The following EPHA10 variants were observed in gnomAD, a reference collection of about 807,000 sequenced individuals.
The protein encoded by EPHA10 is EPH receptor A10, also known as ephrin type-A receptor 10.
In EPHA10, 120 loss-of-function variants were observed where a neutral mutation model predicts 109.7. The observed-to-expected ratio is 1.09, with a 90% CI of 0.94 to 1.27. The LOEUF is 1.27. EPHA10 is among the 50% of genes most tolerant of loss of function. EPHA10 has a pLI of 0.00. For missense variants in EPHA10, 1,396 were observed against 1,411.1 expected, an observed-to-expected ratio of 0.99 and a Z score of 0.17; for synonymous variants, 640 against 618.9, an observed-to-expected ratio of 1.03 and a Z score of -0.51.
rs568800596 is a variant in EPHA10 at position 37,761,516 on chromosome 1, C to T, written c.739G>A (p.Glu247Lys). ...AGTCVAHSEG[E>K]PGSPPRMHCG... ...TGCATGCGTGGGGGGCTGCCAGGCT[C>T]CCCTTCCGAGTGCGCCACGCACGTT... Residue 247 changes from glutamate to lysine, a missense_variant, in exon 3 of 17, where the codon GAG becomes AAG. Transcript: ENST00000373048. The T allele has an allele frequency of 1.3e-6, 2 of 1,599,592 alleles. No individual in the cohort carries two copies. The highest frequency in any genetic ancestry group is 1.7e-6 in the Non-Finnish European group (2 of 1,178,236).
chr1:37,729,563 TA>T (rs1433524796), intron 7 of EPHA10, among the ~76,000 whole-genome samples: 1 of 151,158 alleles, frequency 6.6e-6, no homozygotes, highest in African/African-American at 2.4e-5. Context: ...TCGCTCTTTT[TA>T]AAAAAAGAAA....
rs35864756 is a variant in EPHA10, at chr1:37,747,552, C to CAAA, written c.1357+5321_1357+5323dup. Among the ~76,000 whole-genome samples, 375 of 108,530 alleles carry CAAA rather than the reference C, an allele frequency of 3.5e-3. 2 individuals carry two copies. The highest frequency in any genetic ancestry group is 8.9e-3 in the African/African-American group (260 of 29,294). 71.2% of individuals were successfully genotyped at this position (108,530 alleles called of 152,430 possible). A position where few individuals can be genotyped will look rare whatever the true frequency, so the allele number is the denominator to read the frequency against. On this transcript the variant is annotated intron_variant, in intron 5 of 16. Coordinates refer to ENST00000373048, the MANE Select transcript of EPHA10 (RefSeq NM_001099439.2). ...TGTGACAGGCAGAGTGAAACTGTCT[C>CAAA]AAAAAAAAAAAAAAAAAACTTCAGG...
intron 7 of EPHA10, among the ~76,000 whole-genome samples, chr1:37,730,547 G>C (rs1645964327): frequency 6.6e-6 from 1 of 152,208 alleles, no homozygotes; most frequent in Non-Finnish European, 1.5e-5. Context: ...GGAAGTAAAG[G>C]AGGAGGGAGG....
At chr1:37,745,229 T>A (rs185124766) in intron 5 of EPHA10, among the ~76,000 whole-genome samples, 1 of 152,292 alleles carries the variant, frequency 6.6e-6, no homozygotes, top group Non-Finnish European at 1.5e-5. Context: ...AATACATATC[T>A]ATAGTTATAA....
At chr1:37,761,210 T>C in intron 3 of EPHA10, 195 bp downstream of exon 3, 2 of 1,480,340 alleles carry the variant, frequency 1.4e-6, no homozygotes, top group South Asian at 2.8e-5. Flanking sequence ...TTTCATCTAG[T>C]AAGTTCACTC....
rs1300660647 is a variant in EPHA10, at chr1:37,723,227, G to A, written c.1835-61C>T. On this transcript the variant is annotated intron_variant, in intron 9 of 16. Transcript: ENST00000373048. Reference sequence around the variant, plus strand: ...CTCCACCACTGGGGCTGACAAGCGGGCTCATGCAGTGTAGCAAGGCAGAGG... The same window carrying A: ...CTCCACCACTGGGGCTGACAAGCGGACTCATGCAGTGTAGCAAGGCAGAGG... 4.0e-5 allele frequency: 64 copies of A among 1,605,842 alleles called. No homozygotes were observed. The South Asian group carries it at 6.6e-4, about 16-fold the overall frequency.
chr1:37,725,755 G>A (rs1334669466), intron 8 of EPHA10, among the ~76,000 whole-genome samples: 1 of 152,170 alleles, frequency 6.6e-6, no homozygotes, highest in African/African-American at 2.4e-5. Flanking sequence ...AGGAGCGAAA[G>A]AGGGTGCGTG....
chr1:37,719,763 G>C (rs1645757453), intron 14 of EPHA10, 146 bp downstream of exon 14: 4 of 1,447,432 alleles, frequency 2.8e-6, no homozygotes, highest in Non-Finnish European at 3.8e-6. Flanking sequence ...GAAGCCTGGG[G>C]CAGTGGCCAG....
At chr1:37,714,342 C>A (rs1186560451), downstream of EPHA10, among the ~76,000 whole-genome samples, 4 of 152,180 alleles carry the variant, frequency 2.6e-5, no homozygotes, top group Non-Finnish European at 4.4e-5. Flanking sequence ...TGTGTGTGCA[C>A]GTGTGTCCAT....
chr1:37,719,420 C>T lies in EPHA10; in HGVS notation c.2750G>A (p.Cys917Tyr), dbSNP rs1192832440. 6.2e-7 allele frequency: 1 copy of T among 1,612,300 alleles called. No homozygotes were observed. The highest frequency in any genetic ancestry group is 8.5e-7 in the Non-Finnish European group (1 of 1,179,780). The change falls in exon 15 of 17, where the codon TGT becomes TAT. Residue 917 changes from cysteine (C) to tyrosine (Y), a missense_variant. Cys to Tyr is a radical substitution (Grantham distance 194). Coordinates refer to ENST00000373048, the MANE Select transcript of EPHA10 (RefSeq NM_001099439.2). The part of the protein sequence containing the change: ...PEPPKCALTT[C>Y]PRPPTPLADR... ...GTCCCATGTGGGAACGTACCTGGGA[C>T]AGGTAGTCAGGGCACACTTGGGGGG...
intron 5 of EPHA10, among the ~76,000 whole-genome samples, chr1:37,739,002 G>A (rs979071531): frequency 9.9e-5 from 15 of 152,180 alleles, no homozygotes; most frequent in Admixed American, 2.0e-4. Context: ...GGCCTGTCGC[G>A]GGGTGGAGGG....
chr1:37,763,364 G>C (rs1031257766), intron 1 of EPHA10, among the ~76,000 whole-genome samples: 9 of 152,090 alleles, frequency 5.9e-5, no homozygotes, highest in African/African-American at 2.2e-4. Context: ...TCTGACTCTG[G>C]CTCCTCCTGC....
In EPHA10 at chr1:37,764,458, T is replaced by G. The variant is rs748221473; in HGVS notation, c.106+503A>C. Among the ~76,000 whole-genome samples the G allele has an allele frequency of 6.6e-6, 1 of 152,212 alleles. No individual in the cohort carries two copies. Among genetic ancestry groups the G allele is most frequent in the Non-Finnish European group, 1.5e-5 (1 of 68,028 alleles). On this transcript the variant is annotated intron_variant, in intron 1 of 16. Transcript: ENST00000373048. The surrounding 1 kb of genome is among the most constrained non-coding windows in gnomAD (Gnocchi z 5.8). The stretch of plus-strand genomic sequence containing the variant: ...GCGCCCGGCAGACTACGCTCAGAAT[T>G]CAGCACTGCGGACAGTTCCATGATC...
At chr1:37,749,549 T>C (rs1175797995) in intron 5 of EPHA10, among the ~76,000 whole-genome samples, 1 of 151,808 alleles carries the variant, frequency 6.6e-6, no homozygotes, top group African/African-American at 2.4e-5. Context: ...GGTGTGTGCC[T>C]GTAATACCAG....
chr1:37,746,453 A>G (rs680064), intron 5 of EPHA10, among the ~76,000 whole-genome samples: 50,401 of 151,836 alleles, frequency 0.33, 8,443 homozygotes, highest in Middle Eastern at 0.46. Flanking sequence ...GCCCACCCTT[A>G]TATCTCATTT....
intron 6 of EPHA10, chr1:37,734,455 A>C (rs1372819406): frequency 2.9e-6 from 1 of 347,098 alleles, no homozygotes; most frequent in Non-Finnish European, 5.5e-6. Flanking sequence ...AATCACTTGA[A>C]CCTGGGAGAC....
chr1:37,720,400 C>G lies in EPHA10; in HGVS notation c.2363G>C (p.Gly788Ala). The stretch of plus-strand genomic sequence containing the variant: ...TCGGTCCCGGGGGCCCCGCCCGAAG[C>G]CAGAGATCTTGCAGACAAGGTCGCT... The part of the protein sequence containing the change: ...VSSDLVCKIS[G>A]FGRGPRDRSE... Residue 788 changes from glycine (G) to alanine (A), a missense_variant, in exon 13 of 17, where the codon GGC becomes GCC. Physicochemically the swap from Gly to Ala is moderately conservative, Grantham distance 60. Coordinates refer to ENST00000373048, the MANE Select transcript of EPHA10 (RefSeq NM_001099439.2). The G allele has an allele frequency of 3.1e-6, 5 of 1,613,196 alleles. No individual in the cohort carries two copies. Among genetic ancestry groups the G allele is most frequent in the Non-Finnish European group, 4.2e-6 (5 of 1,179,962 alleles).
rs1173813907 is a variant in EPHA10 at position 37,719,618 on chromosome 1, G to A, written c.2563-11C>T. ...CACAGCCTTGATCACCTGGGCCACA[G>A]GGGTGGGGAGCAGAGAGGAGGCTCT... is the stretch of plus-strand genomic sequence containing the variant. On this transcript the variant is annotated splice_polypyrimidine_tract_variant and intron_variant, in intron 14 of 16. Coordinates refer to ENST00000373048, the MANE Select transcript of EPHA10 (RefSeq NM_001099439.2). The A allele has an allele frequency of 9.9e-6, 16 of 1,612,464 alleles. No individual in the cohort carries two copies. In the African/African-American group the frequency reaches 1.9e-4, roughly 19 times the overall value.
intron 13 of EPHA10, 128 bp from the exon 14 acceptor site, chr1:37,720,186 G>T: frequency 1.4e-6 from 2 of 1,425,486 alleles, no homozygotes; most frequent in South Asian, 1.4e-5. Context: ...CTTCACATCT[G>T]GGAAAGACAG....
Sources: gnomAD v4.1 joint callset for allele counts (sites outside exome capture counted in the v4.1 genomes callset) on GRCh38, gnomAD v4.1.1 for gene constraint, Gnocchi (gnomAD v3.1) non-coding constraint, MANE v1.5 for transcripts, NCBI Gene and HGNC (gene_info 2026-07-23, HGNC 2026-07-21) for gene names.